The following LDAH variants were observed in gnomAD, a reference collection of about 807,000 sequenced individuals.
The protein encoded by LDAH is lipid droplet-associated hydrolase.
LDAH carries 26 observed loss-of-function variants against 29.6 expected under a neutral mutation model. The observed-to-expected ratio is 0.88, with a 90% CI of 0.64 to 1.22. The LOEUF (loss-of-function observed/expected upper bound fraction) is 1.22. Ranked by LOEUF, LDAH falls within the 50% of genes most tolerant of loss-of-function variation. The probability of loss-of-function intolerance (pLI) is 0.00; values close to 1 mark genes in which losing one functional copy is unlikely to be tolerated. For missense variants in LDAH, 344 were observed against 387.3 expected, an observed-to-expected ratio of 0.89 and a Z score of 0.94; for synonymous variants, 117 against 133.0, an observed-to-expected ratio of 0.88 and a Z score of 0.83.
intron 1 of LDAH, among the ~76,000 whole-genome samples, chr2:20,811,952 G>C (rs1572687448): frequency 6.6e-6 from 1 of 152,282 alleles, no homozygotes; most frequent in Admixed American, 6.5e-5. Context: ...AAAAAGGAGT[G>C]AATGAGAGTC....
intron 5 of LDAH, among the ~76,000 whole-genome samples, chr2:20,730,284 G>T (rs1332351036): frequency 6.6e-6 from 1 of 152,136 alleles, no homozygotes; most frequent in Non-Finnish European, 1.5e-5. Flanking sequence ...TTCATATACA[G>T]GTTTTTCTCT....
chr2:20,688,531 G>A (rs1446829082), intron 6 of LDAH, among the ~76,000 whole-genome samples: 1 of 152,172 alleles, frequency 6.6e-6, no homozygotes, highest in African/African-American at 2.4e-5. Flanking sequence ...ACGAGAAGAA[G>A]GATTGGAGGT....
chr2:20,733,975 A>G (rs183175342), intron 5 of LDAH, among the ~76,000 whole-genome samples: 1 of 152,168 alleles, frequency 6.6e-6, no homozygotes, highest in East Asian at 1.9e-4. Context: ...GTTTGATTCC[A>G]CTGTGGTCAC....
intron 3 of LDAH, among the ~76,000 whole-genome samples, chr2:20,784,632 C>G (rs1367746947): frequency 1.3e-5 from 2 of 151,922 alleles, no homozygotes; most frequent in East Asian, 3.9e-4. Flanking sequence ...TGCCTGTAAT[C>G]CCAGCACTTT....
chr2:20,741,491 T>G (rs1410983936), intron 4 of LDAH, among the ~76,000 whole-genome samples: 1 of 152,212 alleles, frequency 6.6e-6, no homozygotes, highest in Non-Finnish European at 1.5e-5. Flanking sequence ...GACGTTCAGT[T>G]GTTCCAGCAT....
intron 4 of LDAH, among the ~76,000 whole-genome samples, chr2:20,767,099 G>A (rs1669093975): frequency 6.6e-6 from 1 of 152,204 alleles, no homozygotes; most frequent in Non-Finnish European, 1.5e-5. Flanking sequence ...GGCCACTGGG[G>A]GAGCTCATGG....
At chr2:20,787,405 T>C (rs1355213611) in intron 3 of LDAH, among the ~76,000 whole-genome samples, 1 of 152,172 alleles carries the variant, frequency 6.6e-6, no homozygotes, top group East Asian at 1.9e-4. Flanking sequence ...GCAATTCTCA[T>C]GTCTTAGTCT....
At chr2:20,798,331 G>A (rs978171068) in intron 2 of LDAH, among the ~76,000 whole-genome samples, 10 of 152,144 alleles carry the variant, frequency 6.6e-5, no homozygotes, top group African/African-American at 2.4e-4. Context: ...GGGGAGCAAT[G>A]AGTCCAGACT....
At chr2:20,729,754 T>TA (rs1398587070) in intron 5 of LDAH, among the ~76,000 whole-genome samples, 3 of 152,232 alleles carry the variant, frequency 2.0e-5, no homozygotes, top group Non-Finnish European at 2.9e-5. Context: ...CCCATGGTAA[T>TA]ATCTTGCAAA....
Position 20,790,281 on chromosome 2 carries a change from T to G in LDAH, c.272A>C (p.Asp91Ala). 1.9e-6 allele frequency: 3 copies of G among 1,614,194 alleles called. No homozygotes were observed. Among genetic ancestry groups the G allele is most frequent in the Non-Finnish European group, 2.5e-6 (3 of 1,180,022 alleles). The change falls in exon 3 of 7, where the codon GAC becomes GCC. Residue 91 changes from aspartate (D) to alanine (A), a missense_variant. Asp to Ala is a moderately radical substitution (Grantham distance 126). Coordinates refer to ENST00000237822, the MANE Select transcript of LDAH (RefSeq NM_021925.4). ...CTCTGATGTTGTAAGAATCTTCTTG[T>G]CTTTGGGAGCCAACGCATGCCCAGC... Reference protein sequence around the residue: ...SHAGHALAPKDKKILTTSEDS... With the variant: ...SHAGHALAPKAKKILTTSEDS...
rs1395338704 is a variant in LDAH at position 20,715,631 on chromosome 2, C to A, written c.704-13979G>T. 2.6e-5 allele frequency among the ~76,000 whole-genome samples: 4 copies of A among 152,116 alleles called. No homozygotes were observed. The South Asian group carries it at 8.3e-4, about 32-fold the overall frequency. On this transcript the variant is annotated intron_variant, in intron 5 of 6. Transcript: ENST00000237822. ...TGACATGATTGTATATTTAGAAAAC[C>A]CCATTGTCTCAGCCCAAAATTTCCT... is the stretch of plus-strand genomic sequence containing the variant.
chr2:20,802,474 A>G (rs1671776585), intron 1 of LDAH, among the ~76,000 whole-genome samples: 1 of 152,182 alleles, frequency 6.6e-6, no homozygotes, highest in Non-Finnish European at 1.5e-5. Context: ...GTTATGTGCA[A>G]AAATGTAGGT....
intron 5 of LDAH, among the ~76,000 whole-genome samples, chr2:20,714,651 G>A (rs1400366099): frequency 2.6e-5 from 4 of 152,030 alleles, no homozygotes; most frequent in Non-Finnish European, 5.9e-5. Context: ...TAATAAAGAA[G>A]AAAAGAGAGA....
At position 20,746,222 on chromosome 2, in the gene LDAH, G is replaced by A. The variant is rs1667559762; in HGVS notation, c.469-6017C>T. On this transcript the variant is annotated intron_variant, in intron 4 of 6. Transcript: ENST00000237822. ...TGGTTATGTAACCCATAGTACATAA[G>A]GAACTTCAGATTGATCAAATCAGCT... Among the ~76,000 whole-genome samples, 3 of 152,270 alleles carry A rather than the reference G, an allele frequency of 2.0e-5. No homozygotes were observed. The South Asian group carries it at 6.2e-4, about 32-fold the overall frequency.
intron 4 of LDAH, among the ~76,000 whole-genome samples, chr2:20,772,681 C>T (rs1439865300): frequency 6.6e-6 from 1 of 152,194 alleles, no homozygotes. Flanking sequence ...GGGTTACAGC[C>T]TGTGATTTTC....
chr2:20,808,657 CA>C (rs57055848), intron 1 of LDAH, among the ~76,000 whole-genome samples: 17,388 of 78,686 alleles, frequency 0.22, 2,551 homozygotes, highest in African/African-American at 0.48. Context: ...GACTCCGTCT[CA>C]AAAAAAAAAA....
At chr2:20,766,153 G>A (rs1432590976) in intron 4 of LDAH, among the ~76,000 whole-genome samples, 2 of 151,682 alleles carry the variant, frequency 1.3e-5, no homozygotes, top group Non-Finnish European at 1.5e-5. Context: ...CACACACAAA[G>A]TGAAACAAAA....
chr2:20,691,117 A>T (rs1662988572), intron 6 of LDAH, among the ~76,000 whole-genome samples: 1 of 152,196 alleles, frequency 6.6e-6, no homozygotes, highest in Non-Finnish European at 1.5e-5. Flanking sequence ...CTTAAACTGG[A>T]TATGAAAACT....
chr2:20,802,039 A>G (rs895692913), intron 1 of LDAH, among the ~76,000 whole-genome samples: 6 of 151,410 alleles, frequency 4.0e-5, no homozygotes, highest in Admixed American at 1.3e-4. Flanking sequence ...CACACATACT[A>G]TATCTATCTA....
Sources: gnomAD v4.1 joint callset for allele counts (sites outside exome capture counted in the v4.1 genomes callset) on GRCh38, gnomAD v4.1.1 for gene constraint, MANE v1.5 for transcripts, NCBI Gene and HGNC (gene_info 2026-07-23, HGNC 2026-07-21) for gene names.